CADM2: variants seen among roughly 807,000 people sequenced by gnomAD.
The protein encoded by CADM2 is immunoglobulin superfamily member 4D.
CADM2 carries 12 observed loss-of-function variants against 49.8 expected under a neutral mutation model. That is an observed-to-expected ratio of 0.24 (90% CI 0.15 to 0.39). The LOEUF (loss-of-function observed/expected upper bound fraction) is 0.39. CADM2 is among the 10% of genes least tolerant of loss of function. The pLI, the probability that CADM2 is intolerant of heterozygous loss-of-function variation, is 1.00. For missense variants in CADM2, 378 were observed against 492.3 expected (o/e 0.77, Z 2.20); for synonymous variants, 214 against 175.4 (o/e 1.22, Z -1.74).
intron 1 of CADM2, among the ~76,000 whole-genome samples, chr3:84,995,460 G>A (rs745600684): frequency 7.9e-5 from 12 of 152,148 alleles, no homozygotes; most frequent in South Asian, 2.1e-4. Flanking sequence ...AACTCATTTC[G>A]CAACCACACT....
intron 2 of CADM2, among the ~76,000 whole-genome samples, chr3:85,765,127 T>A (rs562121636): frequency 6.6e-6 from 1 of 152,222 alleles, no homozygotes; most frequent in South Asian, 2.1e-4. Context: ...GTAGAAAGTA[T>A]GTTTTCTAAG....
chr3:85,566,364 G>A (rs2062254817), intron 1 of CADM2, among the ~76,000 whole-genome samples: 1 of 151,894 alleles, frequency 6.6e-6, no homozygotes, highest in African/African-American at 2.4e-5. Context: ...ATACTGGGTG[G>A]AATTTTATTA....
At chr3:85,260,094 G>T (rs748915389) in intron 1 of CADM2, among the ~76,000 whole-genome samples, 3 of 151,646 alleles carry the variant, frequency 2.0e-5, no homozygotes, top group South Asian at 2.1e-4. Flanking sequence ...ATGTTCTATT[G>T]CTCAGTAGAA....
intron 1 of CADM2, among the ~76,000 whole-genome samples, chr3:85,566,315 T>C (rs2062252814): frequency 6.6e-6 from 1 of 152,114 alleles, no homozygotes; most frequent in African/African-American, 2.4e-5. Flanking sequence ...TTCATAATAA[T>C]ATGGTACTTT....
intron 3 of CADM2, among the ~76,000 whole-genome samples, chr3:85,854,805 A>G (rs1309811687): frequency 1.3e-5 from 2 of 152,124 alleles, no homozygotes; most frequent in African/African-American, 4.8e-5. Flanking sequence ...ACCACACAAA[A>G]AAATAATGCG....
intron 7 of CADM2, among the ~76,000 whole-genome samples, chr3:85,939,866 C>T (rs1253429106): frequency 1.3e-5 from 2 of 148,610 alleles, no homozygotes; most frequent in Non-Finnish European, 3.0e-5. Context: ...AGAATTTAAT[C>T]TTTAGGAAGA....
chr3:85,356,008 A>T (rs912872717), intron 1 of CADM2, among the ~76,000 whole-genome samples: 8 of 152,132 alleles, frequency 5.3e-5, no homozygotes, highest in African/African-American at 9.7e-5. Context: ...AGCCATTTTA[A>T]ATAATGTTTT....
intron 1 of CADM2, chr3:84,960,323 A>T (rs1054825205): frequency 1.3e-5 from 2 of 152,232 alleles, no homozygotes; most frequent in Admixed American, 6.5e-5. Context: ...AGAAAAGAAA[A>T]GAAAAAGAAA....
At chr3:85,084,375 G>A (rs541503157) in intron 1 of CADM2, among the ~76,000 whole-genome samples, 47 of 152,242 alleles carry the variant, frequency 3.1e-4, no homozygotes, top group African/African-American at 1.1e-3. Context: ...CGAAACATAT[G>A]AATGCCACCT....
chr3:85,447,986 A>C (rs1402720754), intron 1 of CADM2, among the ~76,000 whole-genome samples: 1 of 152,150 alleles, frequency 6.6e-6, no homozygotes, highest in Non-Finnish European at 1.5e-5. Context: ...GCCAATAAGC[A>C]AAACACACAC....
chr3:85,634,962 G>A (rs1009858572), intron 1 of CADM2, among the ~76,000 whole-genome samples: 1 of 151,974 alleles, frequency 6.6e-6, no homozygotes, highest in Admixed American at 6.6e-5. Context: ...CATGTTTCCA[G>A]ATCTGTAAAA....
At chr3:85,951,507 A>G (rs562887664) in intron 7 of CADM2, among the ~76,000 whole-genome samples, 1 of 151,158 alleles carries the variant, frequency 6.6e-6, no homozygotes, top group East Asian at 2.0e-4. Context: ...GGTACTAACT[A>G]TATTAAGATG....
chr3:85,941,340 C>A (rs995957492), intron 7 of CADM2, among the ~76,000 whole-genome samples: 1 of 151,986 alleles, frequency 6.6e-6, no homozygotes, highest in Non-Finnish European at 1.5e-5. Context: ...TATTCTCAGG[C>A]AATGGAATCC....
At chr3:86,014,477 T>C (rs1731960200) in intron 8 of CADM2, 1 of 1,516,966 alleles carries the variant, frequency 6.6e-7, no homozygotes, top group Admixed American at 2.1e-5. Flanking sequence ...CCAAACTTGA[T>C]ATTCAAATGA....
intron 1 of CADM2, among the ~76,000 whole-genome samples, chr3:85,262,418 C>T (rs1403328802): frequency 6.6e-6 from 1 of 151,938 alleles, no homozygotes; most frequent in East Asian, 1.9e-4. Flanking sequence ...CAGATGAAAC[C>T]AAGTTGACAT....
At chr3:85,448,283 A>G (rs1423885499) in intron 1 of CADM2, among the ~76,000 whole-genome samples, 2 of 149,514 alleles carry the variant, frequency 1.3e-5, no homozygotes, top group East Asian at 4.0e-4. Flanking sequence ...CAGTGAGCCG[A>G]GATCGCGCCA....
At chr3:85,579,430 A>T (rs2107286716) in intron 1 of CADM2, among the ~76,000 whole-genome samples, 1 of 152,234 alleles carries the variant, frequency 6.6e-6, no homozygotes, top group East Asian at 1.9e-4. Context: ...CAGCATCCTA[A>T]TGGGTCTTTG....
At chr3:85,471,876 G>T (rs1484306167) in intron 1 of CADM2, among the ~76,000 whole-genome samples, 1 of 151,460 alleles carries the variant, frequency 6.6e-6, no homozygotes, top group East Asian at 1.9e-4. Flanking sequence ...GTACCTATAA[G>T]TAGTTCTCAA....
chr3:85,298,700 G>C (rs926032671), intron 1 of CADM2, among the ~76,000 whole-genome samples: 1 of 151,956 alleles, frequency 6.6e-6, no homozygotes, highest in Non-Finnish European at 1.5e-5. Flanking sequence ...AGTCTCAAAT[G>C]ATACAATTTA....
Sources: allele counts gnomAD v4.1 joint callset (sites outside exome capture counted in the v4.1 genomes callset), GRCh38; gene constraint gnomAD v4.1.1; transcripts MANE v1.5; gene names NCBI Gene and HGNC (gene_info 2026-07-23, HGNC 2026-07-21).